NPNT: variants seen among roughly 807,000 people sequenced by gnomAD.
NPNT encodes the protein nephronectin.
A neutral mutation model predicts 68.6 loss-of-function variants in NPNT; 45 were observed. The observed-to-expected ratio is 0.66, with a 90% confidence interval of 0.52 to 0.84. The LOEUF (loss-of-function observed/expected upper bound fraction) is 0.84, where lower values mean the gene tolerates loss of function less well. NPNT is among the 40% of genes least tolerant of loss of function. NPNT has a pLI of 0.00. For missense variants in NPNT, 672 were observed against 714.8 expected, an observed-to-expected ratio of 0.94 and a Z score of 0.68; for synonymous variants, 233 against 253.3, an observed-to-expected ratio of 0.92 and a Z score of 0.76.
At chr4:105,936,409 G>T (rs574012715) in intron 3 of NPNT, among the ~76,000 whole-genome samples, 1 of 150,366 alleles carries the variant, frequency 6.7e-6, no homozygotes, top group African/African-American at 2.4e-5. Flanking sequence ...AATTTATTTC[G>T]TTCTTATCCT....
At chr4:105,907,304 CA>C (rs977722575) in intron 2 of NPNT, among the ~76,000 whole-genome samples, 4 of 151,572 alleles carry the variant, frequency 2.6e-5, no homozygotes, top group Non-Finnish European at 5.9e-5. Context: ...ATTTCTCTCT[CA>C]AAAAAAAGCA....
intron 2 of NPNT, among the ~76,000 whole-genome samples, chr4:105,913,973 T>A (rs1254960773): frequency 6.6e-6 from 1 of 152,116 alleles, no homozygotes; most frequent in Non-Finnish European, 1.5e-5. Flanking sequence ...GAGAGCTTAC[T>A]AGAGGTAAAG....
chr4:105,937,947 A>G (rs1469259495), intron 4 of NPNT, among the ~76,000 whole-genome samples: 2 of 152,216 alleles, frequency 1.3e-5, no homozygotes, highest in Non-Finnish European at 2.9e-5. Context: ...GTGCAACTCA[A>G]TGGGAAATCT....
intron 10 of NPNT, among the ~76,000 whole-genome samples, chr4:105,964,594 CTT>C (rs1731975723): frequency 6.6e-6 from 1 of 152,224 alleles, no homozygotes; most frequent in Non-Finnish European, 1.5e-5. Flanking sequence ...AAAGGAATCT[CTT>C]TTAATTTTAC....
chr4:105,912,044 C>T, intron 2 of NPNT: 3 of 643,400 alleles, frequency 4.7e-6, no homozygotes, highest in East Asian at 5.7e-5. Flanking sequence ...TAAACATGTC[C>T]TAGATTTTTT....
At chr4:105,959,879 G>A (rs1191941445) in intron 10 of NPNT, among the ~76,000 whole-genome samples, 1 of 147,534 alleles carries the variant, frequency 6.8e-6, no homozygotes, top group African/African-American at 2.5e-5. Flanking sequence ...GCGCGATCTC[G>A]GCTCACTGCA....
Position 105,897,971 on chromosome 4 carries a change from T to C in NPNT, c.142T>C (p.Trp48Arg). The change falls in exon 2 of 12, where the codon TGG becomes CGG. Residue 48 changes from tryptophan (W) to arginine (R), a missense_variant. Physicochemically the swap from Trp to Arg is moderately radical, Grantham distance 101. Transcript: ENST00000379987. ...YGGRIDCCWG[W>R]ARQSWGQCQP... ...TGGGAGGATTGACTGCTGCTGGGGCTGGGCTCGCCAGTCTTGGGGACAGTG... is the reference window on the plus strand; with the variant it reads ...TGGGAGGATTGACTGCTGCTGGGGCCGGGCTCGCCAGTCTTGGGGACAGTG... 6.2e-7 allele frequency: 1 copy of C among 1,612,782 alleles called. No individual in the cohort carries two copies. The highest frequency in any genetic ancestry group is 1.1e-5 in the South Asian group (1 of 90,772).
At chr4:105,898,897 AG>A (rs957109597) in intron 2 of NPNT, among the ~76,000 whole-genome samples, 96 of 152,174 alleles carry the variant, frequency 6.3e-4, no homozygotes, top group African/African-American at 2.2e-3. Flanking sequence ...GGGCGGGGGT[AG>A]GGGGCACTTC....
chr4:105,958,480 A>G lies in NPNT; in HGVS notation c.1169A>G (p.Gln390Arg). 1 of 1,609,252 alleles carries G rather than the reference A, an allele frequency of 6.2e-7. No homozygotes were observed. Among genetic ancestry groups the G allele is most frequent in the Non-Finnish European group, 8.5e-7 (1 of 1,176,302 alleles). ...AACCTTTCTCTTGCAGTTCCACGGCAACCTTCAAATGACTTGTTTGAAATA... is the reference window on the plus strand; with the variant it reads ...AACCTTTCTCTTGCAGTTCCACGGCGACCTTCAAATGACTTGTTTGAAATA... ...KPRGDVFIPR[Q>R]PSNDLFEIFE... The change falls in exon 9 of 12, where the codon CAA (glutamine) becomes CGA (arginine). Residue 390 changes from glutamine (Q) to arginine (R), a missense_variant. By Grantham distance (43) the Gln-to-Arg change is conservative (BLOSUM62 1). Transcript: ENST00000379987.
At chr4:105,937,759 T>C (rs925631452) in intron 4 of NPNT, among the ~76,000 whole-genome samples, 3 of 152,202 alleles carry the variant, frequency 2.0e-5, no homozygotes, top group African/African-American at 7.2e-5. Context: ...AAATTCTCTA[T>C]AGGCTGACTC....
intron 10 of NPNT, among the ~76,000 whole-genome samples, chr4:105,959,462 T>C (rs959794480): frequency 6.6e-6 from 1 of 152,026 alleles, no homozygotes; most frequent in Admixed American, 6.6e-5. Context: ...AGAAGTAATA[T>C]AGTGGTATAT....
intron 2 of NPNT, among the ~76,000 whole-genome samples, chr4:105,918,440 TGAAA>T (rs1415663539): frequency 1.3e-5 from 2 of 152,206 alleles, no homozygotes; most frequent in Non-Finnish European, 2.9e-5. Context: ...AATTTTCAAC[TGAAA>T]GAAATACTGT....
At chr4:105,908,852 C>G (rs1350956342) in intron 2 of NPNT, among the ~76,000 whole-genome samples, 1 of 152,118 alleles carries the variant, frequency 6.6e-6, no homozygotes, top group Non-Finnish European at 1.5e-5. Flanking sequence ...TGTGAGCCAC[C>G]GTGCCTGGAC....
chr4:105,898,334 C>CTCTT (rs1560881799), intron 2 of NPNT, among the ~76,000 whole-genome samples: 1 of 100,128 alleles, frequency 1.0e-5, no homozygotes, highest in African/African-American at 4.2e-5. Flanking sequence ...CTCTGTCTCT[C>CTCTT]TCTCTCTCTC....
At chr4:105,946,604 C>A (rs188648236) in intron 8 of NPNT, among the ~76,000 whole-genome samples, 3 of 152,082 alleles carry the variant, frequency 2.0e-5, no homozygotes, top group African/African-American at 7.2e-5. Flanking sequence ...CCTACCTGAC[C>A]TGCAAAACCA....
intron 2 of NPNT, among the ~76,000 whole-genome samples, chr4:105,905,149 A>G (rs1560888542): frequency 6.6e-6 from 1 of 151,712 alleles, no homozygotes; most frequent in Non-Finnish European, 1.5e-5. Flanking sequence ...CATTTTGGGG[A>G]CACCGTTTAT....
At chr4:105,949,634 A>C (rs1730660017) in intron 8 of NPNT, among the ~76,000 whole-genome samples, 1 of 152,098 alleles carries the variant, frequency 6.6e-6, no homozygotes, top group African/African-American at 2.4e-5. Context: ...ACTCAGAAAA[A>C]CTTTCTGCAG....
At chr4:105,944,458 G>T (rs1322075899) in intron 8 of NPNT, among the ~76,000 whole-genome samples, 1 of 152,042 alleles carries the variant, frequency 6.6e-6, no homozygotes, top group Non-Finnish European at 1.5e-5. Context: ...ATCTTTCTGA[G>T]AATTTTAAAA....
chr4:105,955,380 A>G (rs1269654790), intron 8 of NPNT, among the ~76,000 whole-genome samples: 1 of 152,186 alleles, frequency 6.6e-6, no homozygotes, highest in African/African-American at 2.4e-5. Flanking sequence ...TGAATTTCAC[A>G]AACATATTTC....
Sources: gnomAD v4.1 joint callset for allele counts (sites outside exome capture counted in the v4.1 genomes callset) on GRCh38, gnomAD v4.1.1 for gene constraint, MANE v1.5 for transcripts, NCBI Gene and HGNC (gene_info 2026-07-23, HGNC 2026-07-21) for gene names.